Variants in JAZF1 observed in about 807,000 individuals in gnomAD.
JAZF1 encodes juxtaposed with another zinc finger protein 1.
In JAZF1, 8 loss-of-function variants were observed where a neutral mutation model predicts 26.4. The ratio of observed to expected loss-of-function variants is 0.30; its 90% CI spans 0.18 to 0.55. The LOEUF (loss-of-function observed/expected upper bound fraction) is 0.55, where lower values mean the gene tolerates loss of function less well. JAZF1 is among the 20% of genes least tolerant of loss of function. The probability of loss-of-function intolerance (pLI) is 0.94; values close to 1 mark genes in which losing one functional copy is unlikely to be tolerated. For synonymous variants in JAZF1, 126 were observed against 122.3 expected (o/e 1.03, Z -0.20); for missense variants, 199 against 322.0 (o/e 0.62, Z 2.92).
chr7:28,133,652 A>G (rs1210355884), intron 1 of JAZF1, among the ~76,000 whole-genome samples: 7 of 152,176 alleles, frequency 4.6e-5, no homozygotes, highest in South Asian at 2.1e-4. Flanking sequence ...GTCCACTGTC[A>G]TAATTCTTTA....
chr7:28,050,240 CA>C (rs1419535030), intron 1 of JAZF1, among the ~76,000 whole-genome samples: 3 of 152,150 alleles, frequency 2.0e-5, no homozygotes, highest in Admixed American at 1.3e-4. Context: ...TGCCAGGCAT[CA>C]GGGGCAGAAA....
chr7:28,144,598 T>C (rs1306983515), intron 1 of JAZF1, among the ~76,000 whole-genome samples: 1 of 152,200 alleles, frequency 6.6e-6, no homozygotes, highest in Non-Finnish European at 1.5e-5. Context: ...ACAGAGCAGC[T>C]GGAGAGGAAA....
Position 27,991,971 on chromosome 7 carries a change from T to C in JAZF1, c.126A>G (p.Pro42=). The part of the protein sequence containing the change: ...HIEDNHIDTD[P]RVLEKQELQQ... The stretch of plus-strand genomic sequence containing the variant: ...GTAATTCTTGTTTTTCTAAAACCCG[T>C]GGATCTGTATCTGTAATAAAAACAC... Residue 42 remains proline, a synonymous_variant, in exon 2 of 5, where the codon CCA becomes CCG. Transcript: ENST00000283928. The C allele has an allele frequency of 1.2e-6, 2 of 1,600,152 alleles. No individual in the cohort carries two copies. Among genetic ancestry groups the C allele is most frequent in the Non-Finnish European group, 1.7e-6 (2 of 1,167,798 alleles).
chr7:28,001,399 A>G (rs911341337), intron 1 of JAZF1, among the ~76,000 whole-genome samples: 13 of 152,084 alleles, frequency 8.5e-5, no homozygotes, highest in Non-Finnish European at 1.8e-4. Flanking sequence ...TAAACAAAAA[A>G]AACCAATAAT....
intron 2 of JAZF1, among the ~76,000 whole-genome samples, chr7:27,896,587 C>G (rs916855): frequency 2.0e-5 from 3 of 151,958 alleles, no homozygotes; most frequent in African/African-American, 7.3e-5. Flanking sequence ...CATGGTATTT[C>G]ACCTAACCTA....
chr7:27,870,853 T>C (rs1783568360), intron 3 of JAZF1, among the ~76,000 whole-genome samples: 1 of 152,196 alleles, frequency 6.6e-6, no homozygotes, highest in Admixed American at 6.5e-5. Context: ...ACGCATCCAG[T>C]ACTCTGTGAT....
chr7:27,962,495 C>G (rs928010851), intron 2 of JAZF1, among the ~76,000 whole-genome samples: 1 of 152,152 alleles, frequency 6.6e-6, no homozygotes, highest in Non-Finnish European at 1.5e-5. Context: ...AAACAGAAAG[C>G]TTTCATGCTA....
intron 2 of JAZF1, among the ~76,000 whole-genome samples, chr7:27,948,306 C>T (rs1436027369): frequency 6.6e-6 from 1 of 152,184 alleles, no homozygotes; most frequent in East Asian, 1.9e-4. Flanking sequence ...TCATTGCAAA[C>T]ACAGCCAAAT....
chr7:28,008,197 T>C (rs1018405771), intron 1 of JAZF1, among the ~76,000 whole-genome samples: 5 of 152,096 alleles, frequency 3.3e-5, no homozygotes, highest in Admixed American at 3.3e-4. Context: ...GAATCATACA[T>C]TTTAATTATT....
At chr7:27,852,558 G>A (rs1783170658) in intron 3 of JAZF1, among the ~76,000 whole-genome samples, 1 of 152,028 alleles carries the variant, frequency 6.6e-6, no homozygotes, top group South Asian at 2.1e-4. Context: ...CCTCTCTCAG[G>A]TCCTCTTTCT....
intron 1 of JAZF1, among the ~76,000 whole-genome samples, chr7:28,031,842 T>G (rs992432911): frequency 2.6e-5 from 4 of 152,134 alleles, no homozygotes; most frequent in Admixed American, 1.3e-4. Flanking sequence ...TGTTCACCTG[T>G]GTAACAAACC....
chr7:28,057,089 T>C (rs548406954), intron 1 of JAZF1, among the ~76,000 whole-genome samples: 6 of 152,292 alleles, frequency 3.9e-5, no homozygotes, highest in Non-Finnish European at 8.8e-5. Flanking sequence ...CTATCCATCA[T>C]GCTGTGACCC....
intron 1 of JAZF1, among the ~76,000 whole-genome samples, chr7:28,033,598 A>C (rs1265375468): frequency 6.6e-6 from 1 of 152,212 alleles, no homozygotes; most frequent in Non-Finnish European, 1.5e-5. Context: ...TGAGGAAAGC[A>C]AGAACTCACC....
intron 1 of JAZF1, among the ~76,000 whole-genome samples, chr7:28,146,375 C>T (rs930097393): frequency 6.6e-6 from 1 of 152,208 alleles, no homozygotes; most frequent in African/African-American, 2.4e-5. Flanking sequence ...TGTAACTTGT[C>T]CCACTGTGAG....
intron 1 of JAZF1, among the ~76,000 whole-genome samples, chr7:28,024,413 G>A (rs1047591173): frequency 6.6e-6 from 1 of 152,186 alleles, no homozygotes; most frequent in Admixed American, 6.5e-5. Flanking sequence ...CAGAATGGCT[G>A]GGTCCAAGGG....
intron 1 of JAZF1, among the ~76,000 whole-genome samples, chr7:28,027,016 T>C (rs1783105442): frequency 6.6e-6 from 1 of 152,250 alleles, no homozygotes; most frequent in Non-Finnish European, 1.5e-5. Context: ...CTTTAATTTA[T>C]GGGCATTTAG....
chr7:27,834,112 A>G (rs1465235349), intron 4 of JAZF1, among the ~76,000 whole-genome samples: 1 of 152,126 alleles, frequency 6.6e-6, no homozygotes, highest in Non-Finnish European at 1.5e-5. Flanking sequence ...TCCAACACAA[A>G]TTGTTCCCAC....
intron 1 of JAZF1, among the ~76,000 whole-genome samples, chr7:28,158,680 G>A (rs535356003): frequency 1.3e-5 from 2 of 152,258 alleles, no homozygotes; most frequent in South Asian, 2.1e-4. Flanking sequence ...GCTAAGATGC[G>A]GGTCTCATAG....
intron 3 of JAZF1, among the ~76,000 whole-genome samples, chr7:27,853,597 A>G (rs1156395068): frequency 6.6e-6 from 1 of 152,238 alleles, no homozygotes; most frequent in Non-Finnish European, 1.5e-5. Flanking sequence ...TTGGTTTCAA[A>G]GAAATTATTT....
Sources: gnomAD v4.1 joint callset for allele counts (sites outside exome capture counted in the v4.1 genomes callset) on GRCh38, gnomAD v4.1.1 for gene constraint, MANE v1.5 for transcripts, NCBI Gene and HGNC (gene_info 2026-07-23, HGNC 2026-07-21) for gene names.